The following SCG3 variants were observed in gnomAD, a reference collection of about 807,000 sequenced individuals.
SCG3 encodes secretogranin III.
SCG3 carries 38 observed loss-of-function variants against 56.2 expected under a neutral mutation model. The ratio of observed to expected loss-of-function variants is 0.68; its 90% CI spans 0.52 to 0.89. SCG3 has a LOEUF of 0.89. Ranked by LOEUF, SCG3 falls within the 40% of genes least tolerant of loss-of-function variation. The pLI is 0.00. For missense variants in SCG3, 524 were observed against 540.7 expected, an observed-to-expected ratio of 0.97 and a Z score of 0.31; for synonymous variants, 176 against 184.2, an observed-to-expected ratio of 0.96 and a Z score of 0.36.
intron 10 of SCG3, 151 bp from the exon 11 acceptor site, chr15:51,713,182 C>T (rs1176622603): frequency 3.7e-6 from 2 of 545,156 alleles, no homozygotes; most frequent in Non-Finnish European, 6.6e-6. Flanking sequence ...CACATAGACA[C>T]ATACAAATAT....
intron 11 of SCG3, among the ~76,000 whole-genome samples, chr15:51,715,791 A>G (rs1567223977): frequency 6.6e-6 from 1 of 152,184 alleles, no homozygotes; most frequent in Non-Finnish European, 1.5e-5. Flanking sequence ...TTTCAAAAGA[A>G]AGCAAAATAT....
chr15:51,700,445 C>G (rs2055331683), intron 9 of SCG3, among the ~76,000 whole-genome samples: 1 of 152,072 alleles, frequency 6.6e-6, no homozygotes, highest in Non-Finnish European at 1.5e-5. Context: ...ATTTTTAATT[C>G]AACAAAGGAT....
At chr15:51,709,686 TATATATATA>T (rs1567222265) in intron 10 of SCG3, among the ~76,000 whole-genome samples, 243 of 23,424 alleles carry the variant, frequency 0.01, 1 homozygote, top group Middle Eastern at 0.029. Flanking sequence ...TATATATATA[TATATATATA>T]TATATATTTT....
intron 11 of SCG3, 40 bp downstream of exon 11, chr15:51,713,453 T>C (rs1415217223): frequency 7.7e-7 from 1 of 1,294,252 alleles, no homozygotes; most frequent in African/African-American, 1.5e-5. Context: ...ACTTCACCCA[T>C]TTGTCAGGGG....
At chr15:51,694,963 A>G (rs2055293291) in intron 7 of SCG3, among the ~76,000 whole-genome samples, 1 of 151,798 alleles carries the variant, frequency 6.6e-6, no homozygotes, top group South Asian at 2.1e-4. Flanking sequence ...CCCAGGAGGC[A>G]GAGGTTGCAG....
intron 10 of SCG3, among the ~76,000 whole-genome samples, chr15:51,711,481 C>A (rs1304643850): frequency 1.3e-5 from 2 of 152,188 alleles, no homozygotes; most frequent in African/African-American, 4.8e-5. Context: ...AATCATTATT[C>A]ATTAAAGTGA....
intron 10 of SCG3, among the ~76,000 whole-genome samples, chr15:51,706,567 C>A (rs2141575812): frequency 1.3e-5 from 2 of 152,258 alleles, no homozygotes; most frequent in South Asian, 4.1e-4. Context: ...GCAGGAATAT[C>A]TGTGGGGAGT....
intron 11 of SCG3, among the ~76,000 whole-genome samples, chr15:51,714,255 T>C (rs554664996): frequency 6.6e-6 from 1 of 152,248 alleles, no homozygotes; most frequent in Admixed American, 6.5e-5. Context: ...AAGGTTGGTT[T>C]TAGCCAAGGG....
intron 10 of SCG3, among the ~76,000 whole-genome samples, chr15:51,704,244 CATAT>C (rs750951935): frequency 0.047 from 3,493 of 73,554 alleles, 112 homozygotes; most frequent in African/African-American, 0.11. Flanking sequence ...TACATACATA[CATAT>C]ATATATATAT....
At chr15:51,690,807 T>G (rs968406345) in intron 6 of SCG3, among the ~76,000 whole-genome samples, 4 of 152,172 alleles carry the variant, frequency 2.6e-5, no homozygotes, top group African/African-American at 7.2e-5. Flanking sequence ...GTTACCTGAA[T>G]GCATCAATGC....
At chr15:51,693,279 G>A (rs1171864546) in intron 7 of SCG3, 1 of 152,160 alleles carries the variant, frequency 6.6e-6, no homozygotes, top group Non-Finnish European at 1.5e-5. Flanking sequence ...AACAGTGTAT[G>A]AAACCTAATT....
Position 51,719,427 on chromosome 15 carries a change from G to T in SCG3, c.1308G>T (p.Met436Ile). 6.2e-7 allele frequency: 1 copy of T among 1,613,456 alleles called. No individual in the cohort carries two copies. The highest frequency in any genetic ancestry group is 1.1e-5 in the South Asian group (1 of 91,012). ...TTCCAGATTATGACCTTTCAAAGAT[G>T]AGAGACTTCATCAATAAACAAGCTG... Reference protein sequence around the residue: ...GNKEDYDLSKMRDFINKQADA... With the variant: ...GNKEDYDLSKIRDFINKQADA... The change falls in exon 12 of 12, where the codon ATG (methionine) becomes ATT (isoleucine). Residue 436 changes from methionine to isoleucine, a missense_variant. Physicochemically the swap from Met to Ile is conservative, Grantham distance 10. Coordinates refer to ENST00000220478, the MANE Select transcript of SCG3 (RefSeq NM_013243.4).
intron 6 of SCG3, among the ~76,000 whole-genome samples, chr15:51,689,773 T>G (rs2055255034): frequency 6.6e-6 from 1 of 151,870 alleles, no homozygotes; most frequent in Non-Finnish European, 1.5e-5. Flanking sequence ...GGTGACAGAG[T>G]GAGACCCTGT....
intron 10 of SCG3, among the ~76,000 whole-genome samples, chr15:51,709,357 G>C (rs946503702): frequency 6.6e-6 from 1 of 152,028 alleles, no homozygotes; most frequent in Non-Finnish European, 1.5e-5. Context: ...TGAGACTTGG[G>C]TGGGGACACA....
At chr15:51,689,077 G>A (rs1206731235) in intron 5 of SCG3, 142 bp from the exon 6 acceptor site, 2 of 859,978 alleles carry the variant, frequency 2.3e-6, no homozygotes, top group Admixed American at 4.5e-5. Context: ...TGTGGTGCAG[G>A]CGTAAGTGAG....
At chr15:51,709,136 G>C (rs373519295) in intron 10 of SCG3, among the ~76,000 whole-genome samples, 25 of 152,322 alleles carry the variant, frequency 1.6e-4, no homozygotes, top group African/African-American at 6.0e-4. Flanking sequence ...CATGGCGGAA[G>C]GGGAAACAAA....
chr15:51,698,554 T>C (rs2055319258), intron 8 of SCG3, among the ~76,000 whole-genome samples: 1 of 152,210 alleles, frequency 6.6e-6, no homozygotes, highest in South Asian at 2.1e-4. Flanking sequence ...AATCAAACTG[T>C]TTGGCTTAAG....
intron 10 of SCG3, among the ~76,000 whole-genome samples, chr15:51,702,545 C>A (rs2141572351): frequency 6.6e-6 from 1 of 152,308 alleles, no homozygotes; most frequent in Admixed American, 6.5e-5. Flanking sequence ...GTGTGAGCCA[C>A]CGTGCTCGGC....
chr15:51,682,273 T>G (rs1233497368), intron 1 of SCG3, among the ~76,000 whole-genome samples: 1 of 148,514 alleles, frequency 6.7e-6, no homozygotes, highest in Non-Finnish European at 1.5e-5. Flanking sequence ...AAATTTCTGG[T>G]CAGAAAAAAA....
Sources: allele counts gnomAD v4.1 joint callset (sites outside exome capture counted in the v4.1 genomes callset), GRCh38; gene constraint gnomAD v4.1.1; transcripts MANE v1.5; gene names NCBI Gene and HGNC (gene_info 2026-07-23, HGNC 2026-07-21).